The following RANBP3L variants were observed in gnomAD, a reference collection of about 807,000 sequenced individuals.
RANBP3L encodes ran-binding protein 3-like.
In RANBP3L, 56 loss-of-function variants were observed where a neutral mutation model predicts 67.2. The ratio of observed to expected loss-of-function variants is 0.83; its 90% CI spans 0.67 to 1.04. The LOEUF (loss-of-function observed/expected upper bound fraction) is 1.04, where lower values mean the gene tolerates loss of function less well. Among genes scored for constraint, RANBP3L ranks in the 50% least tolerant of loss-of-function variants. The pLI, the probability that RANBP3L is intolerant of heterozygous loss-of-function variation, is 0.00. For synonymous variants in RANBP3L, 164 were observed against 181.4 expected (o/e 0.90, Z 0.77); for missense variants, 496 against 535.5 (o/e 0.93, Z 0.73).
chr5:36,268,702 A>G (rs1579716306), intron 4 of RANBP3L, among the ~76,000 whole-genome samples: 1 of 152,102 alleles, frequency 6.6e-6, no homozygotes, highest in East Asian at 1.9e-4. Flanking sequence ...ATTTATTTAA[A>G]TAGGCGGTTA....
chr5:36,292,500 T>C (rs1171019335), intron 1 of RANBP3L, among the ~76,000 whole-genome samples: 2 of 152,310 alleles, frequency 1.3e-5, no homozygotes, highest in East Asian at 1.9e-4. Context: ...AATGGTAATG[T>C]CTAGGTTTTC....
In RANBP3L at chr5:36,249,624, T is replaced by C. The variant is rs1045004810; in HGVS notation, c.*30A>G. 2 of 1,341,692 alleles carry C rather than the reference T, an allele frequency of 1.5e-6. No homozygotes were observed. The highest frequency in any genetic ancestry group is 2.1e-6 in the Non-Finnish European group (2 of 968,624). 83.1% of individuals were successfully genotyped at this position (1,341,692 alleles called of 1,614,324 possible). On this transcript the variant is annotated 3_prime_UTR_variant, in exon 14 of 14. Transcript: ENST00000296604. ...TTTTCAGTAGGGTGACCCCTCTTTTTGTAGATGTCATGTTTATAGTAGGTA... is the reference window on the plus strand; with the variant it reads ...TTTTCAGTAGGGTGACCCCTCTTTTCGTAGATGTCATGTTTATAGTAGGTA...
At chr5:36,276,715 TG>T (rs1750597478) in intron 1 of RANBP3L, among the ~76,000 whole-genome samples, 2 of 152,154 alleles carry the variant, frequency 1.3e-5, no homozygotes, top group South Asian at 4.1e-4. Context: ...CTATTTCAAC[TG>T]GGAAAGTAAC....
At position 36,261,873 on chromosome 5, in the gene RANBP3L, A is replaced by C. The variant is rs998516687; in HGVS notation, c.584+66T>G. ...CAAGGTCAGAAAATTATTTTCCATG[A>C]ATGGTTATAATAATGAAAGAATGCA... On this transcript the variant is annotated intron_variant, in intron 7 of 13. Transcript: ENST00000296604. 9 of 770,128 alleles carry C rather than the reference A, an allele frequency of 1.2e-5. No individual in the cohort carries two copies. The Admixed American group carries it at 2.0e-4, about 17-fold the overall frequency. 47.7% of individuals were successfully genotyped at this position (770,128 alleles called of 1,614,324 possible). A position where few individuals can be genotyped will look rare whatever the true frequency, so the allele number is the denominator to read the frequency against.
chr5:36,251,974 A>G (rs1748626684), intron 12 of RANBP3L, among the ~76,000 whole-genome samples: 1 of 152,128 alleles, frequency 6.6e-6, no homozygotes, highest in Non-Finnish European at 1.5e-5. Flanking sequence ...CTTGCTTTTC[A>G]GTATTTTCCT....
chr5:36,295,536 G>T (rs1321476491), intron 1 of RANBP3L, among the ~76,000 whole-genome samples: 1 of 152,028 alleles, frequency 6.6e-6, no homozygotes, highest in East Asian at 1.9e-4. Flanking sequence ...CCAGCCTCAG[G>T]GAGTTCTTTA....
In RANBP3L at chr5:36,271,260, G is replaced by T; in HGVS notation, c.143C>A (p.Thr48Asn). 6.4e-7 allele frequency: 1 copy of T among 1,551,750 alleles called. No individual in the cohort carries two copies. Among genetic ancestry groups the T allele is most frequent in the Non-Finnish European group, 8.9e-7 (1 of 1,124,982 alleles). ...PIFVFEKGEQ[T>N]FKRPAEDTLY... is the part of the protein sequence containing the mutation. ...AGAAGTAGTCAATCTTACCTTAAAA[G>T]TTTGTTCTCCCTTTTCAAAAACAAA... Residue 48 changes from threonine (T) to asparagine (N), a missense_variant, in exon 2 of 14, where the codon ACT becomes AAT. By Grantham distance (65) the Thr-to-Asn change is moderately conservative. Transcript: ENST00000296604.
chr5:36,253,825 C>G, intron 11 of RANBP3L, 36 bp from the exon 12 acceptor site: 1 of 1,586,386 alleles, frequency 6.3e-7, no homozygotes, highest in Non-Finnish European at 8.6e-7. Context: ...GGCCACAGAA[C>G]AGTTGACACG....
chr5:36,286,159 G>C (rs1199202262), intron 1 of RANBP3L, among the ~76,000 whole-genome samples: 1 of 152,094 alleles, frequency 6.6e-6, no homozygotes, highest in Non-Finnish European at 1.5e-5. Flanking sequence ...TGTCCATTTG[G>C]AAGAATTTAC....
At chr5:36,270,655 T>G (rs1463603784) in intron 2 of RANBP3L, among the ~76,000 whole-genome samples, 1 of 152,138 alleles carries the variant, frequency 6.6e-6, no homozygotes, top group African/African-American at 2.4e-5. Context: ...CCACCATGCC[T>G]GACTAATTTC....
chr5:36,247,153 C>G lies in RANBP3L; in HGVS notation c.*2501G>C, dbSNP rs1182753985. 6.6e-6 allele frequency among the ~76,000 whole-genome samples: 1 copy of G among 151,976 alleles called. No homozygotes were observed. Among genetic ancestry groups the G allele is most frequent in the Non-Finnish European group, 1.5e-5 (1 of 67,986 alleles). ...CTCATCTCTCCTTATAAAAGGAGAA[C>G]AAAGGACATAGGAAAGCTGAAAAGA... On this transcript the variant is annotated 3_prime_UTR_variant, in exon 14 of 14. Transcript: ENST00000296604.
At chr5:36,254,710 T>G (rs1482385220) in intron 11 of RANBP3L, among the ~76,000 whole-genome samples, 1 of 152,080 alleles carries the variant, frequency 6.6e-6, no homozygotes, top group East Asian at 1.9e-4. Context: ...ATAACCTTAT[T>G]CTTGGATCCA....
At chr5:36,295,824 A>C (rs531201397) in intron 1 of RANBP3L, among the ~76,000 whole-genome samples, 1 of 152,026 alleles carries the variant, frequency 6.6e-6, no homozygotes, top group Non-Finnish European at 1.5e-5. Flanking sequence ...ATCCTTACAT[A>C]GTTCCAAGGA....
At chr5:36,285,996 G>A (rs1179856826) in intron 1 of RANBP3L, among the ~76,000 whole-genome samples, 1 of 152,170 alleles carries the variant, frequency 6.6e-6, no homozygotes, top group African/African-American at 2.4e-5. Context: ...GTCCATTAAT[G>A]AGCAGGATAA....
intron 4 of RANBP3L, among the ~76,000 whole-genome samples, chr5:36,268,749 C>A (rs1446901782): frequency 2.6e-5 from 4 of 151,786 alleles, no homozygotes; most frequent in Admixed American, 6.6e-5. Context: ...CACACTGTCA[C>A]CCCACCTGGA....
intron 1 of RANBP3L, among the ~76,000 whole-genome samples, chr5:36,286,337 A>G (rs1427614878): frequency 6.6e-6 from 1 of 152,180 alleles, no homozygotes; most frequent in Non-Finnish European, 1.5e-5. Context: ...TCTCTCTCAC[A>G]GTCAAAGCCA....
chr5:36,257,565 G>T lies in RANBP3L; in HGVS notation c.670-9C>A. ...GTGAGTTTTTGAGTACCCTGAGAGCGGAAAAAGATGCATTATTTTATTTAA... is the reference window on the plus strand; with the variant it reads ...GTGAGTTTTTGAGTACCCTGAGAGCTGAAAAAGATGCATTATTTTATTTAA... On this transcript the variant is annotated splice_polypyrimidine_tract_variant and intron_variant, in intron 8 of 13. Coordinates refer to ENST00000296604, the MANE Select transcript of RANBP3L (RefSeq NM_145000.5). The T allele has an allele frequency of 3.4e-6, 4 of 1,189,158 alleles. No individual in the cohort carries two copies. Among genetic ancestry groups the T allele is most frequent in the African/African-American group, 1.5e-5 (1 of 64,820 alleles). 73.7% of individuals were successfully genotyped at this position (1,189,158 alleles called of 1,614,324 possible). A position where few individuals can be genotyped will look rare whatever the true frequency, so the allele number is the denominator to read the frequency against.
In RANBP3L at chr5:36,257,052, A is replaced by G. The variant is rs1453591632; in HGVS notation, c.792T>C (p.Asn264=). The G allele has an allele frequency of 6.2e-7, 1 of 1,612,328 alleles. No individual in the cohort carries two copies. The highest frequency in any genetic ancestry group is 1.7e-5 in the Admixed American group (1 of 59,912). The part of the protein sequence containing the change: ...FLSSRTDSIK[N]TSLIESAAAF... ...CAGCAGCTGATTCAATTAGGGAAGT[A>G]TTTTTAATAGAGTCTGTTCCTAAGA... The change falls in exon 10 of 14, where the codon AAT becomes AAC. Residue 264 remains asparagine, a synonymous_variant. Coordinates refer to ENST00000296604, the MANE Select transcript of RANBP3L (RefSeq NM_145000.5).
chr5:36,294,971 C>CAT (rs1175309481), intron 1 of RANBP3L, among the ~76,000 whole-genome samples: 1 of 148,810 alleles, frequency 6.7e-6, no homozygotes. Context: ...TGTATGTATA[C>CAT]ATATATATAC....
Sources: allele counts gnomAD v4.1 joint callset (sites outside exome capture counted in the v4.1 genomes callset), GRCh38; gene constraint gnomAD v4.1.1; transcripts MANE v1.5; gene names NCBI Gene and HGNC (gene_info 2026-07-23, HGNC 2026-07-21).